The following INPP5B variants were observed in gnomAD, a reference collection of about 807,000 sequenced individuals.
The protein encoded by INPP5B is inositol polyphosphate-5-phosphatase B, also known as type II inositol 1,4,5-trisphosphate 5-phosphatase.
In INPP5B, 90 loss-of-function variants were observed where a neutral mutation model predicts 118.5. That is an observed-to-expected ratio of 0.76 (90% CI 0.64 to 0.90). The LOEUF (loss-of-function observed/expected upper bound fraction) is 0.90. INPP5B is among the 40% of genes least tolerant of loss of function. The pLI is 0.00. For synonymous variants in INPP5B, 385 were observed against 418.9 expected, an observed-to-expected ratio of 0.92 and a Z score of 0.99; for missense variants, 984 against 1,125.6, an observed-to-expected ratio of 0.87 and a Z score of 1.80.
chr1:37,908,625 G>A (rs555050819), intron 7 of INPP5B, among the ~76,000 whole-genome samples: 66 of 151,920 alleles, frequency 4.3e-4, no homozygotes, highest in African/African-American at 1.5e-3. Flanking sequence ...TTTATCCGTG[G>A]ACCCAAAACT....
intron 6 of INPP5B, among the ~76,000 whole-genome samples, chr1:37,939,594 G>A (rs190644167): frequency 0.015 from 2,304 of 151,318 alleles, 42 homozygotes; most frequent in African/African-American, 0.042. Flanking sequence ...ATAGGCGCCC[G>A]CCACCATGCC....
chr1:37,925,262 G>T (rs1453623738), intron 7 of INPP5B, among the ~76,000 whole-genome samples: 1 of 151,466 alleles, frequency 6.6e-6, no homozygotes, highest in African/African-American at 2.4e-5. Context: ...AAAAGAAAAA[G>T]AAAAATGTCC....
chr1:37,866,311 C>T (rs1642026127), intron 21 of INPP5B, 148 bp downstream of exon 21: 1 of 588,232 alleles, frequency 1.7e-6, no homozygotes, highest in South Asian at 2.2e-5. Flanking sequence ...TTAAGTAAAA[C>T]ATGGTAGCTG....
chr1:37,861,203 G>C lies in INPP5B; in HGVS notation c.*1112C>G, dbSNP rs1486067148. 6.6e-6 allele frequency: 1 copy of C among 152,182 alleles called. No homozygotes were observed. Among genetic ancestry groups the C allele is most frequent in the African/African-American group, 2.4e-5 (1 of 41,438 alleles). 9.4% of individuals were successfully genotyped at this position (152,182 alleles called of 1,614,324 possible). A position where few individuals can be genotyped will look rare whatever the true frequency, so the allele number is the denominator to read the frequency against. On this transcript the variant is annotated 3_prime_UTR_variant, in exon 24 of 24. Transcript: ENST00000373024. The stretch of plus-strand genomic sequence containing the variant: ...CCTCAGAGTTATTGAGCCATTATCT[G>C]GGCAGGAACGGGGGTCGAGTTTGCA...
intron 8 of INPP5B, 44 bp from the exon 9 acceptor site, chr1:37,889,768 A>C: frequency 4.1e-6 from 6 of 1,451,980 alleles, no homozygotes; most frequent in Non-Finnish European, 5.7e-6. Context: ...ATGAGTCCCC[A>C]TGGCAAAATG....
chr1:37,897,398 C>A (rs1468340727), intron 7 of INPP5B, among the ~76,000 whole-genome samples: 3 of 151,366 alleles, frequency 2.0e-5, no homozygotes, highest in Non-Finnish European at 4.4e-5. Flanking sequence ...AAGAAAAATT[C>A]TTCTGCCTTG....
rs1179568381 is a variant in INPP5B, at chr1:37,887,265, T to A, written c.1014+86A>T. ...CGGGATAATTAAGACTGGCTTAAGA[T>A]AAAGGTCATGGAAAAGGTGAAAAAT... is the stretch of plus-strand genomic sequence containing the variant. On this transcript the variant is annotated intron_variant, in intron 11 of 23. Transcript: ENST00000373024. 3 of 904,762 alleles carry A rather than the reference T, an allele frequency of 3.3e-6. No homozygotes were observed. In the African/African-American group the frequency reaches 5.0e-5, roughly 15 times the overall value. 56.0% of individuals were successfully genotyped at this position (904,762 alleles called of 1,614,324 possible). A position where few individuals can be genotyped will look rare whatever the true frequency, so the allele number is the denominator to read the frequency against.
In INPP5B at chr1:37,904,606, G is replaced by A. The variant is rs533956909; in HGVS notation, c.533-13152C>T. ...AAATTACAAAGGGTTGGCCAGTCAC[G>A]TTGGCTCATGTCTGTAATCCCAGCA... is the stretch of plus-strand genomic sequence containing the variant. On this transcript the variant is annotated intron_variant, in intron 7 of 23. Transcript: ENST00000373024. Among the ~76,000 whole-genome samples, 14 of 152,252 alleles carry A rather than the reference G, an allele frequency of 9.2e-5. No individual in the cohort carries two copies. The East Asian group carries it at 1.2e-3, about 13-fold the overall frequency.
At chr1:37,876,334 G>A (rs2148476692) in intron 16 of INPP5B, among the ~76,000 whole-genome samples, 1 of 151,446 alleles carries the variant, frequency 6.6e-6, no homozygotes, top group African/African-American at 2.4e-5. Context: ...TTGAACTCCT[G>A]AGCTCAAGCA....
intron 6 of INPP5B, among the ~76,000 whole-genome samples, chr1:37,935,394 A>G (rs1013947344): frequency 4.0e-5 from 6 of 150,856 alleles, no homozygotes; most frequent in Non-Finnish European, 7.4e-5. Context: ...GGGTTTCACC[A>G]TATTGGTCAG....
At chr1:37,896,531 C>A (rs1176756501) in intron 7 of INPP5B, among the ~76,000 whole-genome samples, 1 of 146,652 alleles carries the variant, frequency 6.8e-6, no homozygotes, top group East Asian at 2.1e-4. Flanking sequence ...GCGCCTCTGC[C>A]CGGCCGCCCC....
intron 6 of INPP5B, among the ~76,000 whole-genome samples, chr1:37,935,753 A>C (rs1406675410): frequency 1.3e-5 from 2 of 152,028 alleles, no homozygotes; most frequent in Admixed American, 1.3e-4. Context: ...ATCTTGCCTT[A>C]TCACTCTCCA....
At chr1:37,863,458 T>C (rs1641832057) in intron 23 of INPP5B, among the ~76,000 whole-genome samples, 1 of 152,062 alleles carries the variant, frequency 6.6e-6, no homozygotes, top group African/African-American at 2.4e-5. Flanking sequence ...GAGGATGCAG[T>C]GAGCTGAGAT....
chr1:37,911,933 C>T (rs1216993440), intron 7 of INPP5B, among the ~76,000 whole-genome samples: 1 of 152,174 alleles, frequency 6.6e-6, no homozygotes, highest in East Asian at 1.9e-4. Context: ...CAGGACTGGA[C>T]AGTACTTTGC....
chr1:37,943,840 A>G lies in INPP5B; in HGVS notation c.206T>C (p.Leu69Pro). ...RMAITGDDVS[L>P]DQIVPVSRDF... ...CCGCGAGACTGGCACTATCTGGTCC[A>G]GAGAGACATCGTCCCCGGTAATGGC... Residue 69 changes from leucine (L) to proline (P), a missense_variant, in exon 4 of 24, where the codon CTG becomes CCG. By Grantham distance (98) the Leu-to-Pro change is moderately conservative. This residue lies in a region of INPP5B where 350 missense variants were observed against 334.6 expected (regional missense o/e 1.05). Transcript: ENST00000373024. 1 of 1,614,188 alleles carries G rather than the reference A, an allele frequency of 6.2e-7. No individual in the cohort carries two copies. The highest frequency in any genetic ancestry group is 1.1e-5 in the South Asian group (1 of 91,088).
chr1:37,891,555 A>G, intron 7 of INPP5B, 101 bp from the exon 8 acceptor site: 2 of 766,650 alleles, frequency 2.6e-6, no homozygotes, highest in Non-Finnish European at 4.5e-6. Flanking sequence ...TAGGTGGATC[A>G]CCTGAGGTCG....
At chr1:37,933,647 G>C (rs967211237) in intron 6 of INPP5B, among the ~76,000 whole-genome samples, 1 of 151,978 alleles carries the variant, frequency 6.6e-6, no homozygotes, top group Admixed American at 6.6e-5. Flanking sequence ...CTGAACCTGG[G>C]AGGTGGAGGT....
intron 5 of INPP5B, chr1:37,941,958 A>AAAAAAAAAAAT (rs1427344681): frequency 4.9e-4 from 15 of 30,374 alleles, no homozygotes; most frequent in Non-Finnish European, 7.9e-4. Flanking sequence ...AAAAAAAAAA[A>AAAAAAAAAAAT]ATATATATAT....
At chr1:37,900,399 C>A (rs902912493) in intron 7 of INPP5B, among the ~76,000 whole-genome samples, 3 of 151,594 alleles carry the variant, frequency 2.0e-5, no homozygotes, top group African/African-American at 7.3e-5. Context: ...GGATTACAGG[C>A]ACGTGCCACC....
Sources: gnomAD v4.1 joint callset for allele counts (sites outside exome capture counted in the v4.1 genomes callset) on GRCh38, gnomAD v4.1.1 for gene constraint, gnomAD v4.1.1 regional missense constraint, MANE v1.5 for transcripts, NCBI Gene and HGNC (gene_info 2026-07-23, HGNC 2026-07-21) for gene names.